The following PDS5B variants were observed in gnomAD, a reference collection of about 807,000 sequenced individuals.
PDS5B encodes PDS5 cohesin associated factor B.
In PDS5B, 51 loss-of-function variants were observed where a neutral mutation model predicts 184.1. That is an observed-to-expected ratio of 0.28 (90% CI 0.22 to 0.35). PDS5B has a LOEUF of 0.35. PDS5B is among the 10% of genes least tolerant of loss of function. The pLI, the probability that PDS5B is intolerant of heterozygous loss-of-function variation, is 1.00. For synonymous variants in PDS5B, 566 were observed against 569.2 expected (o/e 0.99, Z 0.08); for missense variants, 1,180 against 1,723.3 (o/e 0.68, Z 5.58).
intron 1 of PDS5B, among the ~76,000 whole-genome samples, chr13:32,595,032 C>T (rs1024293193): frequency 1.1e-4 from 16 of 152,160 alleles, no homozygotes; most frequent in African/African-American, 3.9e-4. Context: ...GACCATTCTC[C>T]TGAATTTCCC....
chr13:32,747,461 C>G (rs1228984547), intron 24 of PDS5B, among the ~76,000 whole-genome samples: 1 of 151,942 alleles, frequency 6.6e-6, no homozygotes, highest in Non-Finnish European at 1.5e-5. Flanking sequence ...CTTTTAAAAA[C>G]AGCTATTTCG....
Position 32,701,435 on chromosome 13 carries a change from T to G in PDS5B, c.1853T>G (p.Ile618Ser), listed in dbSNP as rs1483782321. 1 of 1,554,048 alleles carries G rather than the reference T, an allele frequency of 6.4e-7. No individual in the cohort carries two copies. Among genetic ancestry groups the G allele is most frequent in the Non-Finnish European group, 8.9e-7 (1 of 1,129,642 alleles). ...IAPVHIDTESISALIKQVNKS... is the reference protein window; with the variant it reads ...IAPVHIDTESSSALIKQVNKS... ...CCTGTGCACATAGATACCGAATCTA[T>G]CAGGTATTTGTATATAAAATACTAA... The change falls in exon 17 of 35, where the codon ATC (isoleucine) becomes AGC (serine). Residue 618 changes from isoleucine to serine, a missense_variant. Around this residue, in one of 11 missense-constraint regions of PDS5B, gnomAD observed 475 missense variants for 691.5 expected, o/e 0.69. Coordinates refer to ENST00000315596, the MANE Select transcript of PDS5B (RefSeq NM_015032.4).
chr13:32,719,651 A>AAAAT (rs1305340298), intron 19 of PDS5B, among the ~76,000 whole-genome samples: 2 of 152,102 alleles, frequency 1.3e-5, no homozygotes, highest in African/African-American at 4.8e-5. Flanking sequence ...CTTTTATTTT[A>AAAAT]GTGGGGGTGA....
chr13:32,622,360 T>TC (rs2058314194), intron 1 of PDS5B, among the ~76,000 whole-genome samples: 1 of 152,172 alleles, frequency 6.6e-6, no homozygotes, highest in Admixed American at 6.5e-5. Flanking sequence ...GAAATGACTT[T>TC]CTTTTTTTTT....
intron 1 of PDS5B, among the ~76,000 whole-genome samples, chr13:32,631,334 C>G (rs2058452478): frequency 6.6e-6 from 1 of 152,076 alleles, no homozygotes; most frequent in African/African-American, 2.4e-5. Flanking sequence ...CTCAAGCAGT[C>G]CACCTGCCTT....
chr13:32,720,313 G>T (rs1382697293), intron 19 of PDS5B, among the ~76,000 whole-genome samples: 9 of 152,112 alleles, frequency 5.9e-5, no homozygotes, highest in Admixed American at 5.9e-4. Flanking sequence ...CTTGGTGGGA[G>T]TATAAAATGA....
chr13:32,704,542 A>C (rs150656708), intron 17 of PDS5B, among the ~76,000 whole-genome samples: 1 of 152,364 alleles, frequency 6.6e-6, no homozygotes, highest in East Asian at 1.9e-4. Flanking sequence ...TTTCAAAGGC[A>C]CATGGTAGAT....
At chr13:32,767,440 AAAG>A (rs1441478589) in intron 31 of PDS5B, among the ~76,000 whole-genome samples, 11 of 152,176 alleles carry the variant, frequency 7.2e-5, no homozygotes, top group African/African-American at 2.4e-4. Flanking sequence ...TAGAAAAATA[AAAG>A]AAGCAATTGA....
intron 19 of PDS5B, among the ~76,000 whole-genome samples, chr13:32,719,149 A>G (rs2073402512): frequency 6.6e-6 from 1 of 152,170 alleles, no homozygotes; most frequent in South Asian, 2.1e-4. Flanking sequence ...CAAGTCATGA[A>G]TGAAATATTG....
chr13:32,693,610 G>C (rs574551992), intron 13 of PDS5B, among the ~76,000 whole-genome samples: 1 of 150,898 alleles, frequency 6.6e-6, no homozygotes, highest in South Asian at 2.1e-4. Flanking sequence ...ATTTTTAATT[G>C]TGTGGCTCTA....
intron 1 of PDS5B, among the ~76,000 whole-genome samples, chr13:32,593,123 G>A (rs1286277517): frequency 1.3e-5 from 2 of 152,108 alleles, no homozygotes; most frequent in African/African-American, 2.4e-5. Flanking sequence ...GAGCCATTAC[G>A]GAGAATATTA....
intron 3 of PDS5B, among the ~76,000 whole-genome samples, chr13:32,653,531 C>T (rs1423168184): frequency 2.6e-5 from 4 of 152,058 alleles, no homozygotes; most frequent in African/African-American, 9.7e-5. Context: ...ATCAAGTCTA[C>T]CACAATTCAA....
At chr13:32,630,899 C>T (rs2058443954) in intron 1 of PDS5B, among the ~76,000 whole-genome samples, 1 of 151,910 alleles carries the variant, frequency 6.6e-6, no homozygotes, top group African/African-American at 2.4e-5. Context: ...ATTCTCCTGC[C>T]TCAGCCTCCC....
intron 1 of PDS5B, among the ~76,000 whole-genome samples, chr13:32,607,921 C>T (rs1273515983): frequency 6.6e-6 from 1 of 152,208 alleles, no homozygotes; most frequent in South Asian, 2.1e-4. Flanking sequence ...AGCACAGTAG[C>T]AGGGTGGGAG....
At chr13:32,749,823 C>A (rs1393092733) in intron 24 of PDS5B, among the ~76,000 whole-genome samples, 1 of 151,670 alleles carries the variant, frequency 6.6e-6, no homozygotes. Context: ...TTGATTGGAA[C>A]TTTATCTGGG....
intron 19 of PDS5B, 98 bp downstream of exon 19, chr13:32,710,204 A>T (rs1952161269): frequency 1.2e-6 from 1 of 813,326 alleles, no homozygotes; most frequent in South Asian, 3.7e-5. Flanking sequence ...TTTGAGGAAA[A>T]ACTGTCTAGG....
At chr13:32,700,280 A>G (rs1203794613) in intron 16 of PDS5B, among the ~76,000 whole-genome samples, 2 of 152,122 alleles carry the variant, frequency 1.3e-5, no homozygotes, top group Admixed American at 6.5e-5. Flanking sequence ...TCTAAGAAGT[A>G]CAATTGCATG....
At chr13:32,706,473 G>A (rs1185660172) in intron 17 of PDS5B, among the ~76,000 whole-genome samples, 2 of 151,982 alleles carry the variant, frequency 1.3e-5, no homozygotes, top group African/African-American at 4.8e-5. Flanking sequence ...GGAGGCCTAG[G>A]TATATTTCTG....
At chr13:32,676,961 TA>T (rs1951085732) in intron 9 of PDS5B, among the ~76,000 whole-genome samples, 1 of 146,162 alleles carries the variant, frequency 6.8e-6, no homozygotes, top group Non-Finnish European at 1.5e-5. Context: ...AAAAAAGATT[TA>T]AAGGCCCTGA....
Sources: gnomAD v4.1 joint callset for allele counts (sites outside exome capture counted in the v4.1 genomes callset) on GRCh38, gnomAD v4.1.1 for gene constraint, gnomAD v4.1.1 regional missense constraint, MANE v1.5 for transcripts, NCBI Gene and HGNC (gene_info 2026-07-23, HGNC 2026-07-21) for gene names.